The following ABCC8 variants were observed in gnomAD, a reference collection of about 807,000 sequenced individuals.
ABCC8 encodes ATP binding cassette subfamily C member 8, also known as ATP-binding cassette sub-family C member 8.
A neutral mutation model predicts 188.0 loss-of-function variants in ABCC8; 137 were observed. The observed-to-expected ratio is 0.73, with a 90% CI of 0.63 to 0.84. ABCC8 has a LOEUF of 0.84. ABCC8 is among the 40% of genes least tolerant of loss of function. The pLI is 0.00. For synonymous variants in ABCC8, 797 were observed against 846.5 expected, an observed-to-expected ratio of 0.94 and a Z score of 1.01; for missense variants, 1,750 against 2,072.7, an observed-to-expected ratio of 0.84 and a Z score of 3.02.
At chr11:17,470,881 C>T (rs1038414284) in intron 2 of ABCC8, among the ~76,000 whole-genome samples, 6 of 152,166 alleles carry the variant, frequency 3.9e-5, no homozygotes, top group Non-Finnish European at 7.4e-5. Context: ...CAGAGGCAGC[C>T]AGAGCCTCCT....
At chr11:17,443,518 AGCAGAG>A (rs1956407208) in intron 8 of ABCC8, 1 of 686,314 alleles carries the variant, frequency 1.5e-6, no homozygotes, top group Admixed American at 2.5e-5. Context: ...CTCTCATGCA[AGCAGAG>A]GGTTGCTGGG....
In ABCC8 at chr11:17,394,406, A is replaced by T. The variant is rs766761148; in HGVS notation, c.4412-7T>A. The T allele has an allele frequency of 4.3e-6, 7 of 1,614,150 alleles. No individual in the cohort carries two copies. Among genetic ancestry groups the T allele is most frequent in the Non-Finnish European group, 5.9e-6 (7 of 1,180,050 alleles). On this transcript the variant is annotated splice_region_variant and splice_polypyrimidine_tract_variant and intron_variant, in intron 36 of 38. Coordinates refer to ENST00000389817, the MANE Select transcript of ABCC8 (RefSeq NM_000352.6). ...CCTTCTGTGATGATGGCATCTGAAAACAGCCCGGGGAGATGAAGTAGGACT... is the reference window on the plus strand; with the variant it reads ...CCTTCTGTGATGATGGCATCTGAAATCAGCCCGGGGAGATGAAGTAGGACT...
At chr11:17,407,231 A>C (rs1954587118) in intron 24 of ABCC8, 102 bp from the exon 25 acceptor site, 2 of 1,608,764 alleles carry the variant, frequency 1.2e-6, no homozygotes, top group Non-Finnish European at 8.5e-7. Flanking sequence ...ACGGGGGCAC[A>C]CAGAGGGAAG....
Position 17,430,893 on chromosome 11 carries a change from G to A in ABCC8, c.1738C>T (p.Leu580Phe). Residue 580 changes from leucine (L) to phenylalanine (F), a missense_variant, in exon 12 of 39, where the codon CTC becomes TTC. Leu to Phe is a conservative substitution (Grantham distance 22). Coordinates refer to ENST00000389817, the MANE Select transcript of ABCC8 (RefSeq NM_000352.6). ...GTGACCAAGATATGGAAGAGGGAGA[G>A]GGAGGCAAAGGCCACGGAGGGCGAG... Reference protein sequence around the residue: ...DFSPSVAFASLSLFHILVTPL... With the variant: ...DFSPSVAFASFSLFHILVTPL... 1 of 1,614,260 alleles carries A rather than the reference G, an allele frequency of 6.2e-7. No homozygotes were observed. The highest frequency in any genetic ancestry group is 8.5e-7 in the Non-Finnish European group (1 of 1,180,042).
At chr11:17,443,569 T>A in intron 8 of ABCC8, 1 of 506,176 alleles carries the variant, frequency 2.0e-6, no homozygotes, top group South Asian at 2.0e-5. Context: ...CAAGGCTGGT[T>A]GAAGCCTTAA....
intron 20 of ABCC8, chr11:17,412,961 T>C: frequency 9.7e-7 from 1 of 1,029,930 alleles, no homozygotes; most frequent in South Asian, 1.7e-5. Flanking sequence ...ATTCATTGTG[T>C]AGGCGCTAGG....
chr11:17,465,115 C>T (rs957262558), intron 3 of ABCC8, among the ~76,000 whole-genome samples: 3 of 152,182 alleles, frequency 2.0e-5, no homozygotes, highest in Non-Finnish European at 4.4e-5. Context: ...GCAGAAGCAT[C>T]GGCCTTCTGC....
chr11:17,472,802 A>T (rs1010153407), intron 2 of ABCC8, among the ~76,000 whole-genome samples: 13 of 152,272 alleles, frequency 8.5e-5, no homozygotes, highest in African/African-American at 3.1e-4. Flanking sequence ...CTGGGAATAC[A>T]CAGTCTACCC....
Position 17,404,686 on chromosome 11 carries a change from G to T in ABCC8, c.3400-17C>A. 1 of 1,592,594 alleles carries T rather than the reference G, an allele frequency of 6.3e-7. No homozygotes were observed. The highest frequency in any genetic ancestry group is 8.5e-7 in the Non-Finnish European group (1 of 1,169,852). On this transcript the variant is annotated splice_polypyrimidine_tract_variant and intron_variant, in intron 27 of 38. Coordinates refer to ENST00000389817, the MANE Select transcript of ABCC8 (RefSeq NM_000352.6). The surrounding 1 kb of genome is among the most constrained non-coding windows in gnomAD (Gnocchi z 4.7). The stretch of plus-strand genomic sequence containing the variant: ...TGGGATGTGCTGAGGGAGACGAGGG[G>T]GAGAGAGTGAGGTGAATTTTGGTAT...
intron 37 of ABCC8, among the ~76,000 whole-genome samples, chr11:17,394,015 A>T (rs1564871270): frequency 6.6e-6 from 1 of 152,034 alleles, no homozygotes. Context: ...GACAGTGTGA[A>T]GTCTGTGTGG....
Position 17,397,691 on chromosome 11 carries a change from G to T in ABCC8, c.3860C>A (p.Ala1287Asp). Residue 1287 changes from alanine (A) to aspartate (D), a missense_variant, in exon 31 of 39, where the codon GCC (alanine) becomes GAC (aspartate). Transcript: ENST00000389817. ...AGLVGLGLTYALMVSNYLNWM... is the reference protein window; with the variant it reads ...AGLVGLGLTYDLMVSNYLNWM... ...TAGCCCACTGCCGCTCACCATTAGG[G>T]CGTAGGTAAGGCCCAGGCCCACCAG... The T allele has an allele frequency of 6.2e-7, 1 of 1,612,542 alleles. No homozygotes were observed.
In ABCC8 at chr11:17,460,520, G is replaced by C. The variant is rs1957147499; in HGVS notation, c.979C>G (p.Leu327Val). 1 of 1,614,024 alleles carries C rather than the reference G, an allele frequency of 6.2e-7. No individual in the cohort carries two copies. The highest frequency in any genetic ancestry group is 1.3e-5 in the African/African-American group (1 of 74,940). Residue 327 changes from leucine (L) to valine (V), a missense_variant, in exon 6 of 39, where the codon CTT (leucine) becomes GTT (valine). By Grantham distance (32) the Leu-to-Val change is conservative. Transcript: ENST00000389817. ...TGGAAGACGTCGTTCTCCTTCCCAA[G>C]GTGGTCCACGATCCCAAAGATGCAC... is the stretch of plus-strand genomic sequence containing the variant. ...PLCIFGIVDH[L>V]GKENDVFQPK...
rs1327502046 is a variant in ABCC8, at chr11:17,402,602, C to G, written c.3650+59G>C. On this transcript the variant is annotated intron_variant, in intron 29 of 38. Coordinates refer to ENST00000389817, the MANE Select transcript of ABCC8 (RefSeq NM_000352.6). ...AGTCCTGAGAATCAAATCTCATGGCCTGTGCCCCCTGGCCCCACCCCTGTT... is the reference window on the plus strand; with the variant it reads ...AGTCCTGAGAATCAAATCTCATGGCGTGTGCCCCCTGGCCCCACCCCTGTT... The G allele has an allele frequency of 1.1e-5, 18 of 1,613,962 alleles. No individual in the cohort carries two copies. In the East Asian group the frequency reaches 4.0e-4, roughly 36 times the overall value.
intron 10 of ABCC8, among the ~76,000 whole-genome samples, chr11:17,439,569 G>A (rs548869104): frequency 6.6e-6 from 1 of 152,138 alleles, no homozygotes; most frequent in African/African-American, 2.4e-5. Flanking sequence ...CAGCCAGGAG[G>A]TACCCTGCAC....
chr11:17,438,469 G>A (rs879788814), intron 10 of ABCC8, among the ~76,000 whole-genome samples: 1 of 152,088 alleles, frequency 6.6e-6, no homozygotes, highest in African/African-American at 2.4e-5. Flanking sequence ...CAGAACCTCC[G>A]TAGAGCCTGG....
At chr11:17,457,223 A>G (rs994831874) in intron 6 of ABCC8, among the ~76,000 whole-genome samples, 9 of 152,170 alleles carry the variant, frequency 5.9e-5, no homozygotes, top group African/African-American at 2.4e-5. Context: ...GTCACTCATA[A>G]TGATAGCCAC....
At chr11:17,443,400 C>T in intron 8 of ABCC8, 88 bp from the exon 9 acceptor site, 1 of 1,604,532 alleles carries the variant, frequency 6.2e-7, no homozygotes, top group South Asian at 1.1e-5. Flanking sequence ...CCCCAGTCCC[C>T]TAGAGTGGGA....
Position 17,412,653 on chromosome 11 carries a change from A to C in ABCC8, c.2556+13T>G, listed in dbSNP as rs1168942845. The C allele has an allele frequency of 4.8e-5, 78 of 1,608,808 alleles. No individual in the cohort carries two copies. Among genetic ancestry groups the C allele is most frequent in the Non-Finnish European group, 6.6e-5 (78 of 1,177,570 alleles). ...CAGCCAGAGACCAGGACCCCAAGGG[A>C]ACTTGCACTCACCAAGAAGACAACG... is the stretch of plus-strand genomic sequence containing the variant. On this transcript the variant is annotated intron_variant, in intron 21 of 38. Transcript: ENST00000389817.
At position 17,432,192 on chromosome 11, in the gene ABCC8, G is replaced by C; in HGVS notation, c.1671+12C>G. ...ACCCTACCCCCAAGAGATGGAGAAA[G>C]GATCCACTTACTATGAGGACAGCTG... On this transcript the variant is annotated intron_variant, in intron 11 of 38. Coordinates refer to ENST00000389817, the MANE Select transcript of ABCC8 (RefSeq NM_000352.6). 6.4e-7 allele frequency: 1 copy of C among 1,552,600 alleles called. No individual in the cohort carries two copies. The highest frequency in any genetic ancestry group is 8.7e-7 in the Non-Finnish European group (1 of 1,147,342).
Sources: gnomAD v4.1 joint callset for allele counts (sites outside exome capture counted in the v4.1 genomes callset) on GRCh38, gnomAD v4.1.1 for gene constraint, Gnocchi (gnomAD v3.1) non-coding constraint, MANE v1.5 for transcripts, NCBI Gene and HGNC (gene_info 2026-07-23, HGNC 2026-07-21) for gene names.